The following PDE1C variants were observed in gnomAD, a reference collection of about 807,000 sequenced individuals.
PDE1C encodes the protein dual specificity calcium/calmodulin-dependent 3',5'-cyclic nucleotide phosphodiesterase 1C.
In PDE1C, 62 loss-of-function variants were observed where a neutral mutation model predicts 93.1. The ratio of observed to expected loss-of-function variants is 0.67; its 90% CI spans 0.54 to 0.82. PDE1C has a LOEUF of 0.82. Ranked by LOEUF, PDE1C falls within the 40% of genes least tolerant of loss-of-function variation. PDE1C has a pLI of 0.00. For synonymous variants in PDE1C, 325 were observed against 310.1 expected (o/e 1.05, Z -0.50); for missense variants, 742 against 884.6 (o/e 0.84, Z 2.04).
chr7:32,116,187 G>A (rs528909579), intron 3 of PDE1C, among the ~76,000 whole-genome samples: 1 of 152,288 alleles, frequency 6.6e-6, no homozygotes, highest in East Asian at 1.9e-4. Context: ...AACTTCATGT[G>A]ATGATTTTAT....
chr7:32,233,736 A>C (rs1807873033), intron 1 of PDE1C, among the ~76,000 whole-genome samples: 1 of 152,142 alleles, frequency 6.6e-6, no homozygotes, highest in Non-Finnish European at 1.5e-5. Context: ...TTTTAGCTGG[A>C]GACTTCAACA....
the PDE1C span, among the ~76,000 whole-genome samples, chr7:31,699,783 TTTA>T: frequency 3.3e-5 from 5 of 152,160 alleles, no homozygotes; most frequent in Admixed American, 1.3e-4. Flanking sequence ...TGTTTAGAAT[TTTA>T]TTATTATTAT....
chr7:31,821,674 G>T (rs1289717123), intron 14 of PDE1C, among the ~76,000 whole-genome samples: 1 of 151,984 alleles, frequency 6.6e-6, no homozygotes, highest in Non-Finnish European at 1.5e-5. Flanking sequence ...AAATGATAAG[G>T]GTTCAATTAT....
intron 2 of PDE1C, among the ~76,000 whole-genome samples, chr7:32,024,482 A>C (rs897628807): frequency 6.6e-6 from 1 of 151,822 alleles, no homozygotes; most frequent in African/African-American, 2.4e-5. Flanking sequence ...TTCTCTTCCA[A>C]TAAGCAAAAA....
At chr7:32,129,736 G>C (rs1446060654) in intron 3 of PDE1C, among the ~76,000 whole-genome samples, 1 of 151,766 alleles carries the variant, frequency 6.6e-6, no homozygotes, top group Non-Finnish European at 1.5e-5. Flanking sequence ...CACATAAATA[G>C]TCTTCTAATA....
chr7:31,809,000 T>C (rs773053620), intron 16 of PDE1C, 31 bp downstream of exon 16: 12 of 1,283,806 alleles, frequency 9.3e-6, no homozygotes, highest in Non-Finnish European at 1.2e-5. Flanking sequence ...GCACATTTTA[T>C]GGAAAAATGT....
chr7:32,102,884 C>T (rs767117587), intron 3 of PDE1C, among the ~76,000 whole-genome samples: 4 of 152,256 alleles, frequency 2.6e-5, no homozygotes, highest in South Asian at 2.1e-4. Context: ...CCCTTGGCCT[C>T]GGTGGCATTG....
intron 2 of PDE1C, among the ~76,000 whole-genome samples, chr7:32,193,872 T>C (rs1173955793): frequency 6.6e-6 from 1 of 151,472 alleles, no homozygotes; most frequent in East Asian, 1.9e-4. Context: ...TCACATTGGA[T>C]GAGTTTTGGT....
the PDE1C span, among the ~76,000 whole-genome samples, chr7:31,674,297 A>G: frequency 3.3e-5 from 5 of 152,322 alleles, no homozygotes; most frequent in African/African-American, 1.2e-4. Context: ...AGAAGAATGA[A>G]TAGAGAGATA....
At chr7:32,419,310 A>G (rs1785339114) in intron 1 of PDE1C, among the ~76,000 whole-genome samples, 1 of 152,208 alleles carries the variant, frequency 6.6e-6, no homozygotes, top group Non-Finnish European at 1.5e-5. Flanking sequence ...CAGAATATTT[A>G]TAAGACAGAA....
At chr7:31,795,715 A>G (rs1785199678) in intron 16 of PDE1C, among the ~76,000 whole-genome samples, 1 of 151,786 alleles carries the variant, frequency 6.6e-6, no homozygotes, top group African/African-American at 2.4e-5. Context: ...ACATGAATTG[A>G]TGTTAGAAGT....
chr7:32,265,070 G>A (rs1461238790), intron 1 of PDE1C, among the ~76,000 whole-genome samples: 1 of 152,202 alleles, frequency 6.6e-6, no homozygotes, highest in Non-Finnish European at 1.5e-5. Flanking sequence ...ATGGGTTCAA[G>A]CAGTTAACAA....
chr7:32,115,295 A>G (rs1396620316), intron 3 of PDE1C, among the ~76,000 whole-genome samples: 1 of 152,246 alleles, frequency 6.6e-6, no homozygotes, highest in Non-Finnish European at 1.5e-5. Context: ...CCATAAAAAA[A>G]GAATGAGATT....
upstream of PDE1C, among the ~76,000 whole-genome samples, chr7:32,073,714 G>A (rs1046491107): frequency 3.3e-5 from 5 of 152,152 alleles, no homozygotes; most frequent in African/African-American, 9.7e-5. Context: ...ATGTTACTAC[G>A]TCACTCAGAT....
chr7:32,199,539 C>A (rs1804856183), intron 2 of PDE1C, among the ~76,000 whole-genome samples: 1 of 152,136 alleles, frequency 6.6e-6, no homozygotes, highest in African/African-American at 2.4e-5. Context: ...TTCATTATCT[C>A]TCCTTTTAGT....
At chr7:31,939,479 T>C (rs1805537382) in intron 2 of PDE1C, among the ~76,000 whole-genome samples, 1 of 151,924 alleles carries the variant, frequency 6.6e-6, no homozygotes, top group Admixed American at 6.6e-5. Flanking sequence ...CACTATATCA[T>C]CAGAAAACAC....
At chr7:31,771,944 G>A (rs143661407) in intron 17 of PDE1C, among the ~76,000 whole-genome samples, 2,703 of 151,782 alleles carry the variant, frequency 0.018, 83 homozygotes, top group African/African-American at 0.061. Flanking sequence ...TACTCAGGAG[G>A]CTGAGGCAGC....
intron 2 of PDE1C, among the ~76,000 whole-genome samples, chr7:31,937,003 G>A (rs896883382): frequency 1.3e-5 from 2 of 152,202 alleles, no homozygotes; most frequent in Non-Finnish European, 2.9e-5. Flanking sequence ...GGCAGGTTGG[G>A]AGGGGTGCTT....
the PDE1C span, among the ~76,000 whole-genome samples, chr7:31,641,694 C>G: frequency 1.3e-5 from 2 of 152,170 alleles, no homozygotes; most frequent in African/African-American, 2.4e-5. Context: ...TGATCTAAAA[C>G]ATGAGCACAA....
Sources: allele counts gnomAD v4.1 joint callset (sites outside exome capture counted in the v4.1 genomes callset), GRCh38; gene constraint gnomAD v4.1.1; transcripts MANE v1.5; gene names NCBI Gene and HGNC (gene_info 2026-07-23, HGNC 2026-07-21).